Variants in NOC3L observed in about 807,000 individuals in gnomAD.
NOC3L encodes the protein NOC3 like DNA replication regulator.
A neutral mutation model predicts 102.5 loss-of-function variants in NOC3L; 85 were observed. That is an observed-to-expected ratio of 0.83 (90% CI 0.70 to 0.99). NOC3L has a LOEUF of 0.99. NOC3L is among the 50% of genes least tolerant of loss of function. The probability of loss-of-function intolerance (pLI) is 0.00; values close to 1 mark genes in which losing one functional copy is unlikely to be tolerated. For missense variants in NOC3L, 878 were observed against 914.9 expected (o/e 0.96, Z 0.52); for synonymous variants, 303 against 309.4 (o/e 0.98, Z 0.22).
chr10:94,320,706 T>C, the NOC3L span, among the ~76,000 whole-genome samples: 1 of 152,210 alleles, frequency 6.6e-6, no homozygotes, highest in Non-Finnish European at 1.5e-5. Flanking sequence ...CCTGCCCTTT[T>C]ACTAAGTCTC....
chr10:94,329,811 A>AAAC (rs2054138162), downstream of NOC3L: 1 of 140,026 alleles, frequency 7.1e-6, no homozygotes, highest in Admixed American at 7.3e-5. Context: ...AAAAAAAAAA[A>AAAC]CACCATACAG....
the NOC3L span, among the ~76,000 whole-genome samples, chr10:94,326,218 C>G: frequency 6.6e-6 from 1 of 152,164 alleles, no homozygotes; most frequent in Non-Finnish European, 1.5e-5. Context: ...CAGAGCTTCA[C>G]CATCTGCCTT....
At position 94,350,265 on chromosome 10, in the gene NOC3L, T is replaced by C; in HGVS notation, c.976A>G (p.Lys326Glu). Reference protein sequence around the residue: ...VKDWKQRKLKKSNVVSLKAYK... With the variant: ...VKDWKQRKLKESNVVSLKAYK... ...GCCTTTAAGGAAACTACATTACTTT[T>C]CTTCAGCTTCCTCTGCTTCCAATCT... The change falls in exon 9 of 21, where the codon AAA becomes GAA. Residue 326 changes from lysine (K) to glutamate (E), a missense_variant. By Grantham distance (56) the Lys-to-Glu change is moderately conservative. Transcript: ENST00000371361. The C allele has an allele frequency of 6.2e-7, 1 of 1,614,174 alleles. No homozygotes were observed. The highest frequency in any genetic ancestry group is 8.5e-7 in the Non-Finnish European group (1 of 1,180,008).
At chr10:94,316,103 G>T in the NOC3L span, among the ~76,000 whole-genome samples, 2 of 152,096 alleles carry the variant, frequency 1.3e-5, no homozygotes. Context: ...GAATTCCCAG[G>T]AACTTAGACC....
intron 11 of NOC3L, 150 bp from the exon 12 acceptor site, chr10:94,345,083 G>A (rs529344009): frequency 4.1e-5 from 23 of 563,632 alleles, no homozygotes; most frequent in South Asian, 1.6e-4. Context: ...AAACATGGAC[G>A]GGAAGTATAT....
chr10:94,326,899 G>A, the NOC3L span, among the ~76,000 whole-genome samples: 58 of 152,168 alleles, frequency 3.8e-4, no homozygotes, highest in African/African-American at 1.3e-3. Flanking sequence ...AGTGGCTCAC[G>A]CCTGTAATCC....
chr10:94,356,487 G>T, intron 5 of NOC3L, 48 bp downstream of exon 5: 2 of 1,152,246 alleles, frequency 1.7e-6, no homozygotes, highest in Non-Finnish European at 2.6e-6. Flanking sequence ...TTACTATTAT[G>T]CAAAAAAATT....
At chr10:94,322,060 G>T in the NOC3L span, 1 of 1,613,862 alleles carries the variant, frequency 6.2e-7, no homozygotes, top group East Asian at 2.2e-5. Context: ...CATTCAGCAG[G>T]TAAAAGCCTC....
At chr10:94,328,795 T>C (rs2054120873), downstream of NOC3L, 1 of 152,212 alleles carries the variant, frequency 6.6e-6, no homozygotes, top group Non-Finnish European at 1.5e-5. Flanking sequence ...TTAAGGTTAT[T>C]GCCTATTCAG....
chr10:94,362,774 C>G, intron 1 of NOC3L, 56 bp downstream of exon 1: 3 of 1,599,010 alleles, frequency 1.9e-6, no homozygotes, highest in East Asian at 2.2e-5. Flanking sequence ...CAGGCAGTGA[C>G]TCTATCACCC....
At chr10:94,345,970 AAAATAAAT>A (rs989195519) in intron 11 of NOC3L, among the ~76,000 whole-genome samples, 1 of 152,170 alleles carries the variant, frequency 6.6e-6, no homozygotes, top group African/African-American at 2.4e-5. Flanking sequence ...CGTTTATCAA[AAAATAAAT>A]AAATAAATAA....
At chr10:94,339,947 G>C in intron 16 of NOC3L, 27 bp from the exon 17 acceptor site, 1 of 1,589,008 alleles carries the variant, frequency 6.3e-7, no homozygotes. Context: ...ATTCTTCAGA[G>C]CTGTTCTCAT....
chr10:94,319,199 T>G, the NOC3L span, among the ~76,000 whole-genome samples: 1 of 152,228 alleles, frequency 6.6e-6, no homozygotes, highest in South Asian at 2.1e-4. Flanking sequence ...ATATGGCAAG[T>G]TGTCCTTTAT....
chr10:94,326,012 T>TATC, the NOC3L span, among the ~76,000 whole-genome samples: 2 of 152,178 alleles, frequency 1.3e-5, no homozygotes, highest in African/African-American at 4.8e-5. Flanking sequence ...AATTTCATTC[T>TATC]ATCTTAAAGC....
At chr10:94,350,805 CCA>C (rs1287376250) in intron 8 of NOC3L, among the ~76,000 whole-genome samples, 1 of 151,500 alleles carries the variant, frequency 6.6e-6, no homozygotes, top group African/African-American at 2.4e-5. Context: ...CTACTAACTG[CCA>C]CATATAGGAG....
chr10:94,339,176 C>G (rs977817578), intron 17 of NOC3L, among the ~76,000 whole-genome samples: 1 of 152,208 alleles, frequency 6.6e-6, no homozygotes, highest in Non-Finnish European at 1.5e-5. Flanking sequence ...CACTGCTACT[C>G]AAGCCAAGAC....
the NOC3L span, among the ~76,000 whole-genome samples, chr10:94,327,007 C>A: frequency 2.0e-5 from 3 of 151,398 alleles, no homozygotes; most frequent in Non-Finnish European, 4.4e-5. Context: ...AAAAATACAA[C>A]AACAGTTAGC....
chr10:94,338,674 A>G lies in NOC3L; in HGVS notation c.2025T>C (p.Pro675=). 6.2e-7 allele frequency: 1 copy of G among 1,613,468 alleles called. No individual in the cohort carries two copies. The highest frequency in any genetic ancestry group is 8.5e-7 in the Non-Finnish European group (1 of 1,179,546). ...SESQGSGVFL[P]ELDEPEYCNA... ...TGCAGTACTCAGGCTCATCCAGTTC[A>G]GGAAGGAAAACTCCACTTCCCTGAG... The change falls in exon 18 of 21, where the codon CCT becomes CCC. Residue 675 remains proline, a synonymous_variant. Coordinates refer to ENST00000371361, the MANE Select transcript of NOC3L (RefSeq NM_022451.11).
chr10:94,339,682 C>A, intron 17 of NOC3L, 57 bp downstream of exon 17: 3 of 1,418,220 alleles, frequency 2.1e-6, no homozygotes, highest in Non-Finnish European at 2.9e-6. Flanking sequence ...ATGCCTCAAA[C>A]AAAAAAAATC....
Sources: gnomAD v4.1 joint callset for allele counts (sites outside exome capture counted in the v4.1 genomes callset) on GRCh38, gnomAD v4.1.1 for gene constraint, MANE v1.5 for transcripts, NCBI Gene and HGNC (gene_info 2026-07-23, HGNC 2026-07-21) for gene names.